Variants in ME3 observed in about 807,000 individuals in gnomAD.
ME3 encodes the protein NADP-dependent malic enzyme, mitochondrial.
ME3 carries 48 observed loss-of-function variants against 68.9 expected under a neutral mutation model. The ratio of observed to expected loss-of-function variants is 0.70; its 90% CI spans 0.55 to 0.89. The LOEUF is 0.89. Among genes scored for constraint, ME3 ranks in the 40% least tolerant of loss-of-function variants. The pLI is 0.00. For missense variants in ME3, 675 were observed against 797.4 expected, an observed-to-expected ratio of 0.85 and a Z score of 1.85; for synonymous variants, 320 against 318.8, an observed-to-expected ratio of 1.00 and a Z score of -0.04.
Position 86,639,092 on chromosome 11 carries a change from C to T in ME3, c.183+32670G>A, listed in dbSNP as rs535630366. Among the ~76,000 whole-genome samples the T allele has an allele frequency of 3.9e-5, 6 of 152,276 alleles. No homozygotes were observed. The South Asian group carries it at 8.3e-4, about 21-fold the overall frequency. On this transcript the variant is annotated intron_variant, in intron 2 of 14. Transcript: ENST00000543262. ...ACTCTATATTAATGTCTTCTCTCTC[C>T]GTGGCAAATGTTCTTATTACTACAT... is the stretch of plus-strand genomic sequence containing the variant.
chr11:86,659,798 T>G (rs1468484774), intron 2 of ME3, among the ~76,000 whole-genome samples: 4 of 152,212 alleles, frequency 2.6e-5, no homozygotes, highest in African/African-American at 9.7e-5. Flanking sequence ...CTCATGAGAC[T>G]GGGAGCGTTA....
intron 8 of ME3, among the ~76,000 whole-genome samples, chr11:86,458,105 C>G (rs1462314566): frequency 6.6e-6 from 1 of 152,212 alleles, no homozygotes; most frequent in Admixed American, 6.5e-5. Context: ...TGCTATGAGG[C>G]CACACCTGCT....
chr11:86,655,390 C>T (rs928134799), intron 2 of ME3, among the ~76,000 whole-genome samples: 1 of 152,044 alleles, frequency 6.6e-6, no homozygotes, highest in African/African-American at 2.4e-5. Flanking sequence ...GTACTGGTAC[C>T]AAAAGAGAGA....
At chr11:86,472,374 T>C (rs2446224) in intron 7 of ME3, among the ~76,000 whole-genome samples, 64,828 of 151,948 alleles carry the variant, frequency 0.43, 14,091 homozygotes, top group African/African-American at 0.48. Context: ...TTAGGAAGTT[T>C]ATTCTGGCAG....
chr11:86,566,065 CTG>C (rs1172338397), intron 2 of ME3, among the ~76,000 whole-genome samples: 1 of 152,182 alleles, frequency 6.6e-6, no homozygotes, highest in African/African-American at 2.4e-5. Flanking sequence ...TGCCCTGGCA[CTG>C]GAGCTCCTGA....
At chr11:86,659,879 G>A (rs77160548) in intron 2 of ME3, among the ~76,000 whole-genome samples, 3 of 152,080 alleles carry the variant, frequency 2.0e-5, no homozygotes, top group Admixed American at 6.5e-5. Context: ...CCAATCAATC[G>A]ATAGATAGAT....
downstream of ME3, chr11:86,436,503 T>C (rs1948898474): frequency 6.6e-6 from 1 of 152,118 alleles, no homozygotes; most frequent in Non-Finnish European, 1.5e-5. Context: ...GTGCAAAATT[T>C]TAAATTTTGA....
rs74584908 is a variant in ME3, at chr11:86,643,484, C to A, written c.183+28278G>T. Among the ~76,000 whole-genome samples, 4 of 152,164 alleles carry A rather than the reference C, an allele frequency of 2.6e-5. No individual in the cohort carries two copies. The South Asian group carries it at 8.3e-4, about 32-fold the overall frequency. ...TCCCAATCTATCTTTTAGGTCTTAG[C>A]CTTGACACACCAAGAAAAAGTAATC... On this transcript the variant is annotated intron_variant, in intron 2 of 14. Transcript: ENST00000543262.
At chr11:86,483,636 G>T (rs1834206764) in intron 7 of ME3, among the ~76,000 whole-genome samples, 1 of 152,086 alleles carries the variant, frequency 6.6e-6, no homozygotes, top group South Asian at 2.1e-4. Context: ...TTTTAAAAAG[G>T]TTTATTTATT....
chr11:86,521,313 T>A (rs1323295174), intron 4 of ME3, among the ~76,000 whole-genome samples: 1 of 151,832 alleles, frequency 6.6e-6, no homozygotes. Context: ...GAGAATGGCG[T>A]GAACCCAGGA....
intron 2 of ME3, among the ~76,000 whole-genome samples, chr11:86,615,326 T>G (rs1942882385): frequency 6.6e-6 from 1 of 152,212 alleles, no homozygotes; most frequent in Non-Finnish European, 1.5e-5. Context: ...GGATTAACTA[T>G]TCAATCATGA....
intron 6 of ME3, among the ~76,000 whole-genome samples, chr11:86,489,667 C>G (rs952773265): frequency 1.3e-5 from 2 of 152,068 alleles, no homozygotes; most frequent in Non-Finnish European, 2.9e-5. Context: ...TCTGCTGGGG[C>G]AGGAACTTCT....
intron 2 of ME3, among the ~76,000 whole-genome samples, chr11:86,593,030 C>G (rs1458388028): frequency 1.3e-5 from 2 of 152,132 alleles, no homozygotes; most frequent in Non-Finnish European, 2.9e-5. Context: ...CATGGGGTTA[C>G]AAGGTTTCAG....
At chr11:86,654,340 A>G (rs1179016229) in intron 2 of ME3, among the ~76,000 whole-genome samples, 1 of 152,352 alleles carries the variant, frequency 6.6e-6, no homozygotes, top group East Asian at 1.9e-4. Flanking sequence ...CGATGCAAAA[A>G]TCCTCAATAA....
At chr11:86,450,540 T>A in intron 8 of ME3, 142 bp from the exon 9 acceptor site, 1 of 613,322 alleles carries the variant, frequency 1.6e-6, no homozygotes, top group Non-Finnish European at 2.9e-6. Flanking sequence ...GGCATGCAAG[T>A]TTTGGTGCAA....
chr11:86,561,789 C>A (rs1026450222), intron 2 of ME3, among the ~76,000 whole-genome samples: 1 of 152,172 alleles, frequency 6.6e-6, no homozygotes, highest in African/African-American at 2.4e-5. Context: ...AAACTCCACT[C>A]ATTTCCGAAG....
chr11:86,542,976 CAGA>C (rs944197324), intron 4 of ME3, among the ~76,000 whole-genome samples: 1 of 152,166 alleles, frequency 6.6e-6, no homozygotes, highest in Non-Finnish European at 1.5e-5. Context: ...CCCTACATGC[CAGA>C]AGAGAATGGG....
chr11:86,564,912 G>A (rs1191573267), intron 2 of ME3, among the ~76,000 whole-genome samples: 1 of 152,142 alleles, frequency 6.6e-6, no homozygotes, highest in Non-Finnish European at 1.5e-5. Flanking sequence ...AAGACAATCT[G>A]TAGAATGGAA....
intron 2 of ME3, among the ~76,000 whole-genome samples, chr11:86,660,650 G>A (rs1305377619): frequency 6.6e-6 from 1 of 152,130 alleles, no homozygotes; most frequent in Non-Finnish European, 1.5e-5. Context: ...CCTTGAGGGT[G>A]TCACACAAAA....
Sources: gnomAD v4.1 joint callset for allele counts (sites outside exome capture counted in the v4.1 genomes callset) on GRCh38, gnomAD v4.1.1 for gene constraint, MANE v1.5 for transcripts, NCBI Gene and HGNC (gene_info 2026-07-23, HGNC 2026-07-21) for gene names.